AP3B1: variants seen among roughly 807,000 people sequenced by gnomAD.
AP3B1 encodes the protein adaptor related protein complex 3 subunit beta 1, also known as AP-3 complex subunit beta-1.
Under a neutral mutation model 132.5 loss-of-function variants are expected in AP3B1, and 61 were observed. The observed-to-expected ratio is 0.46, with a 90% CI of 0.37 to 0.57. AP3B1 has a LOEUF of 0.57. Among genes scored for constraint, AP3B1 ranks in the 20% least tolerant of loss-of-function variants. The probability of loss-of-function intolerance (pLI) is 0.00; values close to 1 mark genes in which losing one functional copy is unlikely to be tolerated. For synonymous variants in AP3B1, 388 were observed against 438.3 expected (o/e 0.89, Z 1.43); for missense variants, 1,120 against 1,289.4 (o/e 0.87, Z 2.01).
chr5:78,017,356 C>T (rs1361052327), intron 25 of AP3B1, among the ~76,000 whole-genome samples: 2 of 151,934 alleles, frequency 1.3e-5, no homozygotes, highest in Non-Finnish European at 2.9e-5. Flanking sequence ...GCAATTTGTA[C>T]CACTCAGCAT....
intron 2 of AP3B1, among the ~76,000 whole-genome samples, chr5:78,242,909 G>T (rs1747204458): frequency 6.6e-6 from 1 of 152,098 alleles, no homozygotes; most frequent in Admixed American, 6.5e-5. Flanking sequence ...GGGGAAAAGG[G>T]ATTCCTTATG....
At chr5:78,212,897 T>C (rs935053438) in intron 7 of AP3B1, among the ~76,000 whole-genome samples, 8 of 152,074 alleles carry the variant, frequency 5.3e-5, no homozygotes, top group African/African-American at 1.9e-4. Flanking sequence ...TATTTATTTA[T>C]TTATTTATTT....
chr5:78,270,205 C>A (rs1175236839), intron 1 of AP3B1, among the ~76,000 whole-genome samples: 8 of 152,110 alleles, frequency 5.3e-5, no homozygotes, highest in African/African-American at 1.9e-4. Context: ...AGCCACCACG[C>A]CTGGCCCATT....
intron 3 of AP3B1, among the ~76,000 whole-genome samples, chr5:78,240,292 T>A (rs532596581): frequency 6.6e-6 from 1 of 152,318 alleles, no homozygotes; most frequent in African/African-American, 2.4e-5. Flanking sequence ...TTTCAATTAA[T>A]TTATCAATTA....
intron 7 of AP3B1, among the ~76,000 whole-genome samples, chr5:78,205,474 T>C (rs957737706): frequency 1.3e-5 from 2 of 151,844 alleles, no homozygotes; most frequent in East Asian, 1.9e-4. Context: ...TATATATTTT[T>C]ATATATATAG....
chr5:78,059,560 G>A (rs1035600040), intron 22 of AP3B1, among the ~76,000 whole-genome samples: 19 of 152,158 alleles, frequency 1.2e-4, no homozygotes, highest in Middle Eastern at 3.4e-3. Context: ...ACAAAACTCC[G>A]CAGTATTTTC....
chr5:78,270,651 CAG>C (rs768659853), intron 1 of AP3B1, among the ~76,000 whole-genome samples: 3 of 152,278 alleles, frequency 2.0e-5, no homozygotes, highest in South Asian at 2.1e-4. Context: ...ACGCTGGAAA[CAG>C]AGTCAGAACT....
chr5:78,224,487 C>T (rs1746320420), intron 6 of AP3B1, among the ~76,000 whole-genome samples: 1 of 151,910 alleles, frequency 6.6e-6, no homozygotes, highest in African/African-American at 2.4e-5. Flanking sequence ...AGTAAAATGA[C>T]AGCTTAAAAT....
chr5:78,190,789 C>T (rs1744794629), intron 7 of AP3B1, among the ~76,000 whole-genome samples: 1 of 152,176 alleles, frequency 6.6e-6, no homozygotes, highest in Non-Finnish European at 1.5e-5. Flanking sequence ...GTAGCTATTG[C>T]CACTGCTTCT....
intron 1 of AP3B1, among the ~76,000 whole-genome samples, chr5:78,269,577 C>G (rs896442850): frequency 2.6e-5 from 4 of 152,236 alleles, no homozygotes; most frequent in African/African-American, 7.2e-5. Flanking sequence ...TTTAATCAAT[C>G]TATAATCCAT....
chr5:78,228,078 T>G, intron 4 of AP3B1, 66 bp downstream of exon 4: 3 of 1,141,408 alleles, frequency 2.6e-6, no homozygotes, highest in Non-Finnish European at 3.8e-6. Context: ...CTCCACTTCT[T>G]TAACTGACAC....
chr5:78,232,217 A>T (rs1357180686), intron 3 of AP3B1, among the ~76,000 whole-genome samples: 1 of 152,252 alleles, frequency 6.6e-6, no homozygotes, highest in African/African-American at 2.4e-5. Context: ...TCAAATTGGT[A>T]ATGTTTTTAA....
chr5:78,180,849 G>C (rs114161514), intron 8 of AP3B1, among the ~76,000 whole-genome samples: 1 of 151,676 alleles, frequency 6.6e-6, no homozygotes, highest in African/African-American at 2.4e-5. Context: ...TTTCTTTTTA[G>C]TTTTGCTAGC....
At chr5:78,263,934 C>A (rs779161033) in intron 2 of AP3B1, among the ~76,000 whole-genome samples, 1 of 152,080 alleles carries the variant, frequency 6.6e-6, no homozygotes, top group Non-Finnish European at 1.5e-5. Context: ...CGTTTAGATA[C>A]ACAAATACTT....
intron 7 of AP3B1, among the ~76,000 whole-genome samples, chr5:78,214,388 TAAAC>T (rs1745873378): frequency 1.3e-5 from 2 of 152,176 alleles, no homozygotes; most frequent in African/African-American, 4.8e-5. Context: ...GAAAAACAAA[TAAAC>T]AGACAAATAT....
At chr5:78,120,400 A>G (rs1203693554) in intron 17 of AP3B1, among the ~76,000 whole-genome samples, 32 of 152,240 alleles carry the variant, frequency 2.1e-4, no homozygotes, top group Admixed American at 1.7e-3. Flanking sequence ...AGACTGGCAA[A>G]TTGGATAAAG....
chr5:78,050,774 T>C (rs1748547147), intron 22 of AP3B1, among the ~76,000 whole-genome samples: 1 of 152,202 alleles, frequency 6.6e-6, no homozygotes, highest in Non-Finnish European at 1.5e-5. Context: ...TTTGATTTAA[T>C]TGTTTAACGA....
intron 22 of AP3B1, among the ~76,000 whole-genome samples, chr5:78,040,415 C>T (rs569474640): frequency 6.6e-6 from 1 of 151,962 alleles, no homozygotes; most frequent in Non-Finnish European, 1.5e-5. Flanking sequence ...TTTTTGTAGA[C>T]CTACAATATA....
chr5:78,016,990 A>G (rs1746883115), intron 25 of AP3B1, among the ~76,000 whole-genome samples: 1 of 152,130 alleles, frequency 6.6e-6, no homozygotes, highest in Non-Finnish European at 1.5e-5. Context: ...GTTTATGTTA[A>G]AAGCCTGTTT....
Sources: allele counts gnomAD v4.1 joint callset (sites outside exome capture counted in the v4.1 genomes callset), GRCh38; gene constraint gnomAD v4.1.1; transcripts MANE v1.5; gene names NCBI Gene and HGNC (gene_info 2026-07-23, HGNC 2026-07-21).